SLC12A9: variants seen among roughly 807,000 people sequenced by gnomAD.
SLC12A9 encodes the protein CCC-interacting protein 1.
In SLC12A9, 55 loss-of-function variants were observed where a neutral mutation model predicts 66.0. The observed-to-expected ratio is 0.83, with a 90% CI of 0.67 to 1.04. The LOEUF (loss-of-function observed/expected upper bound fraction) is 1.04. Among genes scored for constraint, SLC12A9 ranks in the 50% least tolerant of loss-of-function variants. SLC12A9 has a pLI of 0.00. For synonymous variants in SLC12A9, 577 were observed against 569.0 expected, an observed-to-expected ratio of 1.01 and a Z score of -0.20; for missense variants, 1,061 against 1,241.9, an observed-to-expected ratio of 0.85 and a Z score of 2.19.
intron 1 of SLC12A9, among the ~76,000 whole-genome samples, chr7:100,839,584 G>A (rs1355951143): frequency 1.3e-5 from 2 of 152,224 alleles, no homozygotes; most frequent in Non-Finnish European, 2.9e-5. Flanking sequence ...CGGGCGACGC[G>A]GATCCTGAGA....
intron 1 of SLC12A9, chr7:100,827,079 G>GC (rs779675896): frequency 3.0e-5 from 46 of 1,545,918 alleles, no homozygotes; most frequent in Non-Finnish European, 2.8e-5. Context: ...GGGGGCCCTC[G>GC]CCCCCCCAGG....
Position 100,866,270 on chromosome 7 carries a change from G to C in SLC12A9, c.2410G>C (p.Gly804Arg), listed in dbSNP as rs1224529772. 6.4e-7 allele frequency: 1 copy of C among 1,557,096 alleles called. No homozygotes were observed. Among genetic ancestry groups the C allele is most frequent in the Admixed American group, 1.9e-5 (1 of 51,510 alleles). ...IRAEVQEVVW[G>R]EGAGAGEPEA... ...GGCTGAGGTGCAGGAGGTGGTGTGG[G>C]GCGAGGGGGCCGGGGCTGGGGAACC... The change falls in exon 14 of 14, where the codon GGC (glycine) becomes CGC (arginine). Residue 804 changes from glycine (G) to arginine (R), a missense_variant. Gly to Arg is a moderately radical substitution (Grantham distance 125). Coordinates refer to ENST00000354161, the MANE Select transcript of SLC12A9 (RefSeq NM_020246.4). The surrounding 1 kb of genome is among the most constrained non-coding windows in gnomAD (Gnocchi z 7.3).
Position 100,861,474 on chromosome 7 carries a change from G to A in SLC12A9, c.1426G>A (p.Gly476Ser). The change falls in exon 11 of 14, where the codon GGC (glycine) becomes AGC (serine). Residue 476 changes from glycine (G) to serine (S), a missense_variant. Gly to Ser is a moderately conservative substitution (Grantham distance 56). Transcript: ENST00000354161. This position sits in a 1 kb window ranked among gnomAD's most constrained non-coding sequence, Gnocchi z 5.3. ...GCTCATGATGTTCCTCATCAGTCCT[G>A]GCGCGGCTGGTGGCTCCCTGCTCCT... ...CLLMMFLISP[G>S]AAGGSLLLMG... is the part of the protein sequence containing the mutation. The A allele has an allele frequency of 6.2e-7, 1 of 1,613,744 alleles. No individual in the cohort carries two copies. Among genetic ancestry groups the A allele is most frequent in the South Asian group, 1.1e-5 (1 of 91,086 alleles).
At chr7:100,840,445 C>T (rs902368553) in intron 1 of SLC12A9, among the ~76,000 whole-genome samples, 11 of 152,144 alleles carry the variant, frequency 7.2e-5, no homozygotes, top group East Asian at 1.9e-4. Context: ...ACCTGTAAGC[C>T]AGGGAACCCA....
chr7:100,842,820 A>G (rs926743147), intron 1 of SLC12A9, among the ~76,000 whole-genome samples: 5 of 152,230 alleles, frequency 3.3e-5, no homozygotes, highest in Admixed American at 6.5e-5. Flanking sequence ...CCAGTCGACC[A>G]GGTGTAGGTT....
intron 1 of SLC12A9, among the ~76,000 whole-genome samples, chr7:100,828,312 G>A (rs1443801413): frequency 6.6e-6 from 1 of 151,940 alleles, no homozygotes; most frequent in African/African-American, 2.4e-5. Flanking sequence ...GCAGAGGCAG[G>A]CGGATCATTT....
chr7:100,861,015 T>G lies in SLC12A9; in HGVS notation c.1219-123T>G. The G allele has an allele frequency of 6.5e-7, 1 of 1,547,782 alleles. No individual in the cohort carries two copies. On this transcript the variant is annotated intron_variant, in intron 9 of 13. Coordinates refer to ENST00000354161, the MANE Select transcript of SLC12A9 (RefSeq NM_020246.4). The surrounding 1 kb of genome is among the most constrained non-coding windows in gnomAD (Gnocchi z 5.3). The stretch of plus-strand genomic sequence containing the variant: ...GGGGTGCACTGGCACTTTGCAGGGT[T>G]CACTGGCACTTTCTGGGGCTCATTG...
intron 1 of SLC12A9, among the ~76,000 whole-genome samples, chr7:100,831,710 G>T (rs556332118): frequency 2.0e-5 from 3 of 152,100 alleles, no homozygotes; most frequent in African/African-American, 7.2e-5. Context: ...TTTTCCTATT[G>T]TAAGAAATAA....
chr7:100,846,005 C>T (rs535734924), intron 1 of SLC12A9, among the ~76,000 whole-genome samples: 5 of 152,320 alleles, frequency 3.3e-5, no homozygotes, highest in African/African-American at 1.2e-4. Flanking sequence ...TTGCTAGCAG[C>T]TGAAGGAGAG....
At chr7:100,838,184 G>T (rs1027203937) in intron 1 of SLC12A9, among the ~76,000 whole-genome samples, 1 of 150,848 alleles carries the variant, frequency 6.6e-6, no homozygotes, top group Non-Finnish European at 1.5e-5. Flanking sequence ...AAATTTTTTT[G>T]TGGAGACAGT....
At chr7:100,855,575 T>A in intron 3 of SLC12A9, 131 bp from the exon 4 acceptor site, 2 of 1,134,770 alleles carry the variant, frequency 1.8e-6, no homozygotes. Context: ...ACTCAGAGGA[T>A]ATGAGTGACT....
At chr7:100,856,593 C>CA (rs1455696693) in intron 4 of SLC12A9, 2 of 410,454 alleles carry the variant, frequency 4.9e-6, no homozygotes, top group African/African-American at 4.0e-5. Flanking sequence ...CGGCTCAATG[C>CA]AACTTCTGCC....
Position 100,865,808 on chromosome 7 carries a change from C to T in SLC12A9, c.1948C>T (p.Pro650Ser). 6.2e-7 allele frequency: 1 copy of T among 1,614,026 alleles called. No individual in the cohort carries two copies. Among genetic ancestry groups the T allele is most frequent in the South Asian group, 1.1e-5 (1 of 91,086 alleles). Residue 650 changes from proline (P) to serine (S), a missense_variant, in exon 14 of 14, where the codon CCT (proline) becomes TCT (serine). Physicochemically the swap from Pro to Ser is moderately conservative, Grantham distance 74. Coordinates refer to ENST00000354161, the MANE Select transcript of SLC12A9 (RefSeq NM_020246.4). ...HFLTDPAFSE[P>S]ADSTREGSSP... ...CCTGACGGACCCGGCTTTCTCTGAG[C>T]CTGCAGACAGCACCAGGGAGGGCAG...
Position 100,854,191 on chromosome 7 carries a change from C to T in SLC12A9, c.-7C>T. The T allele has an allele frequency of 6.4e-7, 1 of 1,557,174 alleles. No individual in the cohort carries two copies. Among genetic ancestry groups the T allele is most frequent in the South Asian group, 1.3e-5 (1 of 78,778 alleles). ...CCATTTGTGGCTTCCTCTACCTGTG[C>T]TCAGCCATGGCCAGCGAGAGCTCAC... On this transcript the variant is annotated 5_prime_UTR_variant, in exon 2 of 14. Transcript: ENST00000354161.
At chr7:100,826,876 G>A in exon 1 of SLC12A9, 3 of 1,352,244 alleles carry the variant, frequency 2.2e-6, no homozygotes, top group Non-Finnish European at 3.0e-6. Flanking sequence ...TGCAGTGCCC[G>A]GGTAGGGGTA....
Position 100,865,819 on chromosome 7 carries a change from C to T in SLC12A9, c.1959C>T (p.Ser653=), listed in dbSNP as rs1430693857. The T allele has an allele frequency of 1.9e-6, 3 of 1,613,892 alleles. No homozygotes were observed. The highest frequency in any genetic ancestry group is 1.7e-5 in the Admixed American group (1 of 60,012). ...TDPAFSEPAD[S]TREGSSPALS... is the part of the protein sequence containing the mutation. ...CGGCTTTCTCTGAGCCTGCAGACAG[C>T]ACCAGGGAGGGCAGTTCCCCAGCTC... Residue 653 remains serine (S), a synonymous_variant, in exon 14 of 14, where the codon AGC becomes AGT. Coordinates refer to ENST00000354161, the MANE Select transcript of SLC12A9 (RefSeq NM_020246.4).
chr7:100,845,986 C>T (rs920713326), intron 1 of SLC12A9, among the ~76,000 whole-genome samples: 1 of 152,218 alleles, frequency 6.6e-6, no homozygotes. Context: ...TAGATTAGCT[C>T]TCGACTACTT....
intron 1 of SLC12A9, among the ~76,000 whole-genome samples, chr7:100,842,147 C>T (rs1354163218): frequency 6.6e-6 from 1 of 151,926 alleles, no homozygotes; most frequent in African/African-American, 2.4e-5. Context: ...CTCATCACAT[C>T]CGAGTCAAGA....
intron 1 of SLC12A9, among the ~76,000 whole-genome samples, chr7:100,846,272 A>T (rs755821977): frequency 1.3e-5 from 2 of 152,240 alleles, no homozygotes; most frequent in Non-Finnish European, 2.9e-5. Context: ...AAATGATAAA[A>T]AGCTTCATTG....
Sources: gnomAD v4.1 joint callset for allele counts (sites outside exome capture counted in the v4.1 genomes callset) on GRCh38, gnomAD v4.1.1 for gene constraint, Gnocchi (gnomAD v3.1) non-coding constraint, MANE v1.5 for transcripts, NCBI Gene and HGNC (gene_info 2026-07-23, HGNC 2026-07-21) for gene names.